SEMA7A: variants seen among roughly 807,000 people sequenced by gnomAD.
SEMA7A encodes semaphorin-7A.
In SEMA7A, 21 loss-of-function variants were observed where a neutral mutation model predicts 67.5. The ratio of observed to expected loss-of-function variants is 0.31; its 90% CI spans 0.22 to 0.45. The LOEUF is 0.45. Ranked by LOEUF, SEMA7A falls within the 20% of genes least tolerant of loss-of-function variation. The pLI is 1.00. For synonymous variants in SEMA7A, 364 were observed against 368.5 expected (o/e 0.99, Z 0.14); for missense variants, 774 against 908.6 (o/e 0.85, Z 1.90).
intron 1 of SEMA7A, among the ~76,000 whole-genome samples, chr15:74,429,957 G>A (rs2061073676): frequency 6.6e-6 from 1 of 152,032 alleles, no homozygotes; most frequent in African/African-American, 2.4e-5. Context: ...TGGGAAAATT[G>A]GGTTAGGCAT....
At chr15:74,421,567 C>T (rs28362895) in intron 1 of SEMA7A, among the ~76,000 whole-genome samples, 419 of 152,284 alleles carry the variant, frequency 2.8e-3, no homozygotes, top group African/African-American at 9.7e-3. Flanking sequence ...CTTGGTGATG[C>T]GTATGGACTA....
At chr15:74,433,644 A>C in intron 1 of SEMA7A, 97 bp downstream of exon 1, 3 of 1,307,588 alleles carry the variant, frequency 2.3e-6, no homozygotes, top group South Asian at 4.2e-5. Flanking sequence ...GGACCCGCAG[A>C]GCTGCGCGCA....
chr15:74,433,547 A>G (rs1396436235), intron 1 of SEMA7A, 194 bp downstream of exon 1: 9 of 1,210,128 alleles, frequency 7.4e-6, no homozygotes, highest in South Asian at 4.1e-5. Flanking sequence ...GCAGCGTTAC[A>G]GCCGGCTCTG....
intron 2 of SEMA7A, 54 bp downstream of exon 2, chr15:74,418,747 G>A: frequency 6.3e-7 from 1 of 1,583,854 alleles, no homozygotes; most frequent in South Asian, 1.1e-5. Flanking sequence ...CCTTGGCAGG[G>A]CCAGAGGGGA....
At chr15:74,421,362 T>C (rs2141282983) in intron 1 of SEMA7A, among the ~76,000 whole-genome samples, 1 of 152,196 alleles carries the variant, frequency 6.6e-6, no homozygotes, top group Middle Eastern at 3.4e-3. Flanking sequence ...GGCCCCTGGG[T>C]AGGAGCTGCA....
At chr15:74,412,155 T>A in intron 10 of SEMA7A, 143 bp from the exon 11 acceptor site, 1 of 987,748 alleles carries the variant, frequency 1.0e-6, no homozygotes, top group Non-Finnish European at 1.5e-6. Flanking sequence ...AGAGCGTGAC[T>A]GGGGAAGAAT....
chr15:74,433,206 T>C (rs2061105624), intron 1 of SEMA7A, among the ~76,000 whole-genome samples: 1 of 145,214 alleles, frequency 6.9e-6, no homozygotes, highest in Admixed American at 7.3e-5. Flanking sequence ...TGGCCCGAGC[T>C]CCGGGCCGGG....
chr15:74,426,733 A>G (rs778000127), intron 1 of SEMA7A, among the ~76,000 whole-genome samples: 3 of 151,858 alleles, frequency 2.0e-5, no homozygotes, highest in Non-Finnish European at 4.4e-5. Flanking sequence ...CTATGAATGC[A>G]CCACTGTACT....
intron 1 of SEMA7A, among the ~76,000 whole-genome samples, chr15:74,419,803 G>C (rs1215352097): frequency 6.6e-6 from 1 of 152,178 alleles, no homozygotes; most frequent in Non-Finnish European, 1.5e-5. Flanking sequence ...CCTTCACAGA[G>C]CACAGCCTGG....
chr15:74,415,016 C>G, intron 8 of SEMA7A, 70 bp from the exon 9 acceptor site: 1 of 1,304,834 alleles, frequency 7.7e-7, no homozygotes, highest in South Asian at 1.2e-5. Context: ...TCACCCAGGC[C>G]AGCCTTGTGC....
At chr15:74,432,676 C>T (rs1206643498) in intron 1 of SEMA7A, among the ~76,000 whole-genome samples, 1 of 152,150 alleles carries the variant, frequency 6.6e-6, no homozygotes, top group African/African-American at 2.4e-5. Flanking sequence ...CTGCCAAAGG[C>T]ATCAAAAGGC....
chr15:74,413,464 A>G lies in SEMA7A; in HGVS notation c.1294+1083T>C, dbSNP rs184893149. On this transcript the variant is annotated intron_variant, in intron 10 of 13. Coordinates refer to ENST00000261918, the MANE Select transcript of SEMA7A (RefSeq NM_003612.5). ...TCCCAAGTCTGCAGGAAGGGAATCC[A>G]TGGCCCAAGTCCAGCCTTCCTTGTC... is the stretch of plus-strand genomic sequence containing the variant. Among the ~76,000 whole-genome samples, 158 of 152,312 alleles carry G rather than the reference A, an allele frequency of 1.0e-3. 1 individual carries two copies. Among genetic ancestry groups the G allele is most frequent in the Admixed American group, 1.9e-3 (29 of 15,300 alleles).
In SEMA7A at chr15:74,416,713, G is replaced by A. The variant is rs1216550383; in HGVS notation, c.663C>T (p.Asn221=). ...ELYTSDTVMQ[N]PQFIKATIVH... ...CGATGGTGGCTTTGATGAACTGTGG[G>A]TCTGCCAGGGACAGAGGCGAGTGGG... Residue 221 remains asparagine, a splice_region_variant and synonymous_variant, in exon 7 of 14, where the codon AAC becomes AAT. Transcript: ENST00000261918. 1 of 1,613,892 alleles carries A rather than the reference G, an allele frequency of 6.2e-7. No homozygotes were observed. The highest frequency in any genetic ancestry group is 8.5e-7 in the Non-Finnish European group (1 of 1,179,932).
chr15:74,427,725 C>T (rs1315208847), intron 1 of SEMA7A, among the ~76,000 whole-genome samples: 1 of 152,168 alleles, frequency 6.6e-6, no homozygotes, highest in Non-Finnish European at 1.5e-5. Flanking sequence ...AGGAAGCCTT[C>T]CTTGATTGCA....
In SEMA7A at chr15:74,433,728, C is replaced by T. The variant is rs1336403968; in HGVS notation, c.178+13G>A. On this transcript the variant is annotated intron_variant, in intron 1 of 13. Transcript: ENST00000261918. ...CTGATCCCGCGCCTGACCGGCCGCG[C>T]GGCGCCGCCTACCTTTCCAGACGGC... 2 of 1,423,952 alleles carry T rather than the reference C, an allele frequency of 1.4e-6. No homozygotes were observed. Among genetic ancestry groups the T allele is most frequent in the Non-Finnish European group, 1.8e-6 (2 of 1,095,748 alleles). 88.2% of individuals were successfully genotyped at this position (1,423,952 alleles called of 1,614,324 possible). A position where few individuals can be genotyped will look rare whatever the true frequency, so the allele number is the denominator to read the frequency against.
At chr15:74,421,028 C>G (rs1344040472) in intron 1 of SEMA7A, among the ~76,000 whole-genome samples, 1 of 152,244 alleles carries the variant, frequency 6.6e-6, no homozygotes, top group Non-Finnish European at 1.5e-5. Context: ...GCCGGCAAGG[C>G]CAATGTACAA....
chr15:74,410,553 C>G lies in SEMA7A; in HGVS notation c.*71G>C. ...GCAGGCAAGGAGCTCCCGGGCCAGC[C>G]GGCTCTGAGTGTGAGACGTTCTAGT... On this transcript the variant is annotated 3_prime_UTR_variant, in exon 14 of 14. Transcript: ENST00000261918. The surrounding 1 kb of genome is among the most constrained non-coding windows in gnomAD (Gnocchi z 7.5). 6.6e-7 allele frequency: 1 copy of G among 1,512,436 alleles called. No homozygotes were observed. Among genetic ancestry groups the G allele is most frequent in the South Asian group, 1.3e-5 (1 of 75,286 alleles). The allele number at this position is 1,512,436 out of a possible 1,614,324, so 93.7% of individuals were successfully genotyped here.
chr15:74,432,917 G>T (rs2061101687), intron 1 of SEMA7A, among the ~76,000 whole-genome samples: 1 of 152,124 alleles, frequency 6.6e-6, no homozygotes, highest in East Asian at 1.9e-4. Context: ...CTAAACTGAG[G>T]TGCCCTGGGG....
chr15:74,418,189 C>T, intron 3 of SEMA7A, 79 bp downstream of exon 3: 1 of 1,447,994 alleles, frequency 6.9e-7, no homozygotes, highest in Non-Finnish European at 9.7e-7. Context: ...CAGGGCCATG[C>T]TTCCTTCCTT....
Sources: gnomAD v4.1 joint callset for allele counts (sites outside exome capture counted in the v4.1 genomes callset) on GRCh38, gnomAD v4.1.1 for gene constraint, Gnocchi (gnomAD v3.1) non-coding constraint, MANE v1.5 for transcripts, NCBI Gene and HGNC (gene_info 2026-07-23, HGNC 2026-07-21) for gene names.